The following EPHB1 variants were observed in gnomAD, a reference collection of about 807,000 sequenced individuals.
The protein encoded by EPHB1 is EPH receptor B1.
Under a neutral mutation model 94.4 loss-of-function variants are expected in EPHB1, and 30 were observed. The ratio of observed to expected loss-of-function variants is 0.32; its 90% CI spans 0.24 to 0.43. EPHB1 has a LOEUF of 0.43. EPHB1 is among the 20% of genes least tolerant of loss of function. The pLI is 1.00. For missense variants in EPHB1, 1,055 were observed against 1,308.3 expected, an observed-to-expected ratio of 0.81 and a Z score of 2.99; for synonymous variants, 522 against 489.1, an observed-to-expected ratio of 1.07 and a Z score of -0.89.
intron 15 of EPHB1, among the ~76,000 whole-genome samples, chr3:135,252,837 G>T (rs1349169187): frequency 1.2e-4 from 17 of 144,860 alleles, no homozygotes; most frequent in Non-Finnish European, 2.3e-4. Flanking sequence ...CACCAACAGT[G>T]TAAAAGTGTT....
intron 3 of EPHB1, among the ~76,000 whole-genome samples, chr3:134,953,716 G>A (rs1189497223): frequency 6.6e-6 from 1 of 152,196 alleles, no homozygotes; most frequent in Non-Finnish European, 1.5e-5. Context: ...TGAGCAGAAT[G>A]GCAGGAACCA....
chr3:135,092,808 G>A (rs2094777335), intron 3 of EPHB1, among the ~76,000 whole-genome samples: 1 of 152,168 alleles, frequency 6.6e-6, no homozygotes, highest in Admixed American at 6.5e-5. Flanking sequence ...TGTATTTTTA[G>A]TAGAAATGAA....
intron 2 of EPHB1, among the ~76,000 whole-genome samples, chr3:134,949,186 G>A (rs1308763121): frequency 6.6e-6 from 1 of 152,152 alleles, no homozygotes; most frequent in Non-Finnish European, 1.5e-5. Flanking sequence ...CGGAACTGCT[G>A]CAAGGATACT....
intron 3 of EPHB1, chr3:135,067,811 C>T (rs1937601892): frequency 1.3e-5 from 2 of 152,306 alleles, no homozygotes; most frequent in South Asian, 4.1e-4. Flanking sequence ...CCTGTGGTGC[C>T]AGGCAGGAAT....
chr3:134,935,735 C>A (rs1171827442), intron 2 of EPHB1, among the ~76,000 whole-genome samples: 2 of 152,068 alleles, frequency 1.3e-5, no homozygotes, highest in Non-Finnish European at 2.9e-5. Flanking sequence ...TGAAGGAGGG[C>A]CCCTGGAGAC....
chr3:134,948,549 G>A (rs1404525602), intron 2 of EPHB1, among the ~76,000 whole-genome samples: 1 of 152,202 alleles, frequency 6.6e-6, no homozygotes, highest in Non-Finnish European at 1.5e-5. Flanking sequence ...AGAAAAAGTG[G>A]TTCTTTTACA....
chr3:135,117,723 C>T (rs1939772172), intron 4 of EPHB1, among the ~76,000 whole-genome samples: 1 of 152,248 alleles, frequency 6.6e-6, no homozygotes, highest in African/African-American at 2.4e-5. Context: ...GTGCTGGCCC[C>T]TCCTTGGCTG....
intron 3 of EPHB1, among the ~76,000 whole-genome samples, chr3:135,016,476 C>G (rs541642586): frequency 2.6e-5 from 4 of 152,282 alleles, no homozygotes; most frequent in Admixed American, 2.6e-4. Flanking sequence ...AGTGATCCAA[C>G]CTAAGTGAAA....
At chr3:135,048,938 G>A (rs560267725) in intron 3 of EPHB1, among the ~76,000 whole-genome samples, 2 of 152,346 alleles carry the variant, frequency 1.3e-5, no homozygotes, top group East Asian at 3.9e-4. Context: ...GTGAGGATCT[G>A]TAGAGCTGGG....
chr3:134,842,944 A>G (rs1251126108), intron 1 of EPHB1, among the ~76,000 whole-genome samples: 2 of 152,258 alleles, frequency 1.3e-5, no homozygotes, highest in African/African-American at 2.4e-5. Flanking sequence ...AGGAAGTTAG[A>G]GAAGAATAGA....
chr3:135,184,498 C>T (rs1232216177), intron 10 of EPHB1, among the ~76,000 whole-genome samples: 1 of 152,114 alleles, frequency 6.6e-6, no homozygotes, highest in African/African-American at 2.4e-5. Flanking sequence ...TCTATGGGAG[C>T]AAGGGAATGT....
At chr3:135,074,966 G>A (rs1187339028) in intron 3 of EPHB1, among the ~76,000 whole-genome samples, 5 of 152,224 alleles carry the variant, frequency 3.3e-5, no homozygotes, top group South Asian at 4.2e-4. Context: ...AGGACCCCTC[G>A]CTGTAATACA....
At chr3:134,955,887 T>A (rs1158508271) in intron 3 of EPHB1, among the ~76,000 whole-genome samples, 1 of 152,156 alleles carries the variant, frequency 6.6e-6, no homozygotes, top group Non-Finnish European at 1.5e-5. Flanking sequence ...GTGTAGAGGA[T>A]TAATGAGAAA....
intron 1 of EPHB1, among the ~76,000 whole-genome samples, chr3:134,816,280 G>A (rs141456927): frequency 6.6e-6 from 1 of 151,976 alleles, no homozygotes; most frequent in Non-Finnish European, 1.5e-5. Context: ...TTTTAGTAGA[G>A]ACGGGGTTTC....
At chr3:134,984,519 G>A (rs1304165767) in intron 3 of EPHB1, among the ~76,000 whole-genome samples, 2 of 152,174 alleles carry the variant, frequency 1.3e-5, no homozygotes, top group Non-Finnish European at 1.5e-5. Flanking sequence ...AGCCTTTCTG[G>A]AAGATCTGGG....
intron 1 of EPHB1, among the ~76,000 whole-genome samples, chr3:134,913,577 G>T (rs2038501713): frequency 6.6e-6 from 1 of 152,174 alleles, no homozygotes; most frequent in African/African-American, 2.4e-5. Context: ...TTAAGTTTTT[G>T]ATTGCTTCCC....
At chr3:135,096,355 A>G (rs1938760438) in intron 3 of EPHB1, among the ~76,000 whole-genome samples, 1 of 152,202 alleles carries the variant, frequency 6.6e-6, no homozygotes, top group South Asian at 2.1e-4. Flanking sequence ...ATTCTTCCAG[A>G]TGGCCTAGAG....
intron 10 of EPHB1, among the ~76,000 whole-genome samples, chr3:135,183,725 A>G (rs1046475827): frequency 2.0e-5 from 3 of 152,200 alleles, no homozygotes; most frequent in African/African-American, 7.2e-5. Flanking sequence ...AAGGCTTTGG[A>G]TGGACTGACA....
chr3:135,190,280 C>T (rs1942422174), intron 10 of EPHB1, among the ~76,000 whole-genome samples: 1 of 152,246 alleles, frequency 6.6e-6, no homozygotes, highest in South Asian at 2.1e-4. Flanking sequence ...AATAAATACA[C>T]ATTTGTGTGC....
Sources: gnomAD v4.1 joint callset for allele counts (sites outside exome capture counted in the v4.1 genomes callset) on GRCh38, gnomAD v4.1.1 for gene constraint, MANE v1.5 for transcripts, NCBI Gene and HGNC (gene_info 2026-07-23, HGNC 2026-07-21) for gene names.